Variants in ANXA4 observed in about 807,000 individuals in gnomAD.
ANXA4 encodes annexin A4, also known as 35-beta calcimedin.
A neutral mutation model predicts 49.8 loss-of-function variants in ANXA4; 39 were observed. The ratio of observed to expected loss-of-function variants is 0.78; its 90% CI spans 0.61 to 1.02. The LOEUF (loss-of-function observed/expected upper bound fraction) is 1.02, where lower values mean the gene tolerates loss of function less well. Ranked by LOEUF, ANXA4 falls within the 50% of genes least tolerant of loss-of-function variation. The probability of loss-of-function intolerance (pLI) is 0.00; values close to 1 mark genes in which losing one functional copy is unlikely to be tolerated. For missense variants in ANXA4, 360 were observed against 410.1 expected (o/e 0.88, Z 1.05); for synonymous variants, 134 against 152.5 (o/e 0.88, Z 0.89).
At chr2:69,822,874 T>G (rs1674303235) in intron 12 of ANXA4, among the ~76,000 whole-genome samples, 1 of 152,016 alleles carries the variant, frequency 6.6e-6, no homozygotes, top group Admixed American at 6.6e-5. Flanking sequence ...TAAAAGTAAC[T>G]AGTGCCACTT....
At chr2:69,686,657 A>C (rs558288866) in intron 2 of ANXA4, among the ~76,000 whole-genome samples, 32 of 152,250 alleles carry the variant, frequency 2.1e-4, no homozygotes, top group Middle Eastern at 6.8e-3. Flanking sequence ...GGGTCTCACT[A>C]TACTGCCCAG....
chr2:69,653,598 T>G (rs1676331983), intron 2 of ANXA4, among the ~76,000 whole-genome samples: 1 of 152,116 alleles, frequency 6.6e-6, no homozygotes, highest in Non-Finnish European at 1.5e-5. Flanking sequence ...CTGGGCCCCT[T>G]GTGACACCAT....
At chr2:69,644,825 C>G (rs1010244943) in exon 1 of ANXA4, 3 of 152,254 alleles carry the variant, frequency 2.0e-5, no homozygotes, top group African/African-American at 7.2e-5. Flanking sequence ...TTGATACTTA[C>G]GTTTCCCTGA....
intron 2 of ANXA4, among the ~76,000 whole-genome samples, chr2:69,663,530 C>T (rs1350339092): frequency 2.0e-5 from 3 of 151,922 alleles, no homozygotes; most frequent in Admixed American, 6.6e-5. Context: ...CATGGTGACA[C>T]AAGACTGTAG....
At chr2:69,750,316 G>A (rs1021110475) in intron 1 of ANXA4, among the ~76,000 whole-genome samples, 3 of 152,194 alleles carry the variant, frequency 2.0e-5, no homozygotes, top group African/African-American at 2.4e-5. Flanking sequence ...AGCAGCCACC[G>A]CTCATTCTTG....
intron 2 of ANXA4, among the ~76,000 whole-genome samples, chr2:69,702,517 T>G (rs923329656): frequency 2.6e-5 from 4 of 151,478 alleles, no homozygotes; most frequent in African/African-American, 9.7e-5. Context: ...AAGCCAGGAG[T>G]TGGAGACCAG....
chr2:69,762,038 A>C (rs1671314219), intron 1 of ANXA4, among the ~76,000 whole-genome samples: 1 of 152,256 alleles, frequency 6.6e-6, no homozygotes, highest in Non-Finnish European at 1.5e-5. Flanking sequence ...TGAACAATGT[A>C]GCCCTACCAG....
At chr2:69,670,131 T>C (rs1308517604) in intron 2 of ANXA4, among the ~76,000 whole-genome samples, 1 of 152,072 alleles carries the variant, frequency 6.6e-6, no homozygotes, top group Non-Finnish European at 1.5e-5. Context: ...AAAGCAACTA[T>C]GAATATGTGG....
upstream of ANXA4, among the ~76,000 whole-genome samples, chr2:69,737,842 T>C (rs1670282224): frequency 6.6e-6 from 1 of 152,172 alleles, no homozygotes; most frequent in Non-Finnish European, 1.5e-5. Context: ...ACTCTTTTTC[T>C]TCCTTTTCTC....
At chr2:69,748,390 G>GA (rs776657477) in intron 1 of ANXA4, among the ~76,000 whole-genome samples, 5,203 of 130,436 alleles carry the variant, frequency 0.04, 165 homozygotes, top group African/African-American at 0.09. Context: ...CTCAAAAAAA[G>GA]AAAAAAAAAA....
At chr2:69,763,848 A>C (rs1285094899) in intron 1 of ANXA4, among the ~76,000 whole-genome samples, 1 of 151,808 alleles carries the variant, frequency 6.6e-6, no homozygotes, top group African/African-American at 2.4e-5. Flanking sequence ...TTTTTAGTGG[A>C]GATGGGGTTT....
Position 69,668,023 on chromosome 2 carries a change from A to G in ANXA4, n.766+14741A>G, listed in dbSNP as rs149457947. Among the ~76,000 whole-genome samples, 91 of 152,334 alleles carry G rather than the reference A, an allele frequency of 6.0e-4. 2 individuals carry two copies. In the East Asian group the frequency reaches 0.013, roughly 22 times the overall value. ...CAAGTCCCTGCTCGTCTCATGTCTG[A>G]TAACATTCCATTGGCCTAAGTATGT... is the stretch of plus-strand genomic sequence containing the variant. On this transcript the variant is annotated intron_variant and non_coding_transcript_variant, in intron 2 of 3. Coordinates refer to the ANXA4 transcript ENST00000418066.
chr2:69,672,223 TTTTATTTA>T (rs142289857), intron 2 of ANXA4, among the ~76,000 whole-genome samples: 31 of 151,946 alleles, frequency 2.0e-4, no homozygotes, highest in Admixed American at 7.9e-4. Flanking sequence ...TTATTATGTA[TTTTATTTA>T]TTTATTTATT....
chr2:69,732,276 C>A (rs547402882), intron 3 of ANXA4, among the ~76,000 whole-genome samples: 2 of 151,380 alleles, frequency 1.3e-5, no homozygotes, highest in East Asian at 4.0e-4. Flanking sequence ...CGCGCCCAGC[C>A]CTTAGTTATG....
intron 1 of ANXA4, among the ~76,000 whole-genome samples, chr2:69,743,960 C>T (rs993509343): frequency 2.6e-5 from 4 of 152,162 alleles, no homozygotes; most frequent in Non-Finnish European, 4.4e-5. Context: ...TTATGTCCAG[C>T]CACTCATTTG....
chr2:69,677,608 A>G (rs1229717918), intron 2 of ANXA4, among the ~76,000 whole-genome samples: 3 of 152,114 alleles, frequency 2.0e-5, no homozygotes, highest in Non-Finnish European at 4.4e-5. Flanking sequence ...CCATCTCTTT[A>G]TTATTGGATA....
At chr2:69,694,313 A>G (rs1573111061) in intron 2 of ANXA4, among the ~76,000 whole-genome samples, 2 of 151,756 alleles carry the variant, frequency 1.3e-5, no homozygotes, top group Admixed American at 6.6e-5. Context: ...CTCACCAGAT[A>G]CCACATCCGT....
At chr2:69,777,535 GAGTTA>G (rs1672009030) in intron 1 of ANXA4, among the ~76,000 whole-genome samples, 1 of 152,142 alleles carries the variant, frequency 6.6e-6, no homozygotes, top group Admixed American at 6.5e-5. Context: ...AGGGATTTAG[GAGTTA>G]TGTACCAGGA....
intron 3 of ANXA4, 60 bp from the exon 4 acceptor site, chr2:69,804,473 A>G: frequency 6.8e-7 from 1 of 1,479,646 alleles, no homozygotes; most frequent in Non-Finnish European, 9.4e-7. Context: ...CCACAGAGGA[A>G]CCTGCTTTCT....
Sources: gnomAD v4.1 joint callset for allele counts (sites outside exome capture counted in the v4.1 genomes callset) on GRCh38, gnomAD v4.1.1 for gene constraint, MANE v1.5 for transcripts, NCBI Gene and HGNC (gene_info 2026-07-23, HGNC 2026-07-21) for gene names.